Variants in LRFN2 observed in about 807,000 individuals in gnomAD.
The protein encoded by LRFN2 is leucine rich repeat and fibronectin type III domain containing 2, also known as leucine-rich repeat and fibronectin type-III domain-containing protein 2.
Under a neutral mutation model 37.3 loss-of-function variants are expected in LRFN2, and 18 were observed. The observed-to-expected ratio is 0.48, with a 90% CI of 0.33 to 0.72. The LOEUF (loss-of-function observed/expected upper bound fraction) is 0.72, where lower values mean the gene tolerates loss of function less well. Among genes scored for constraint, LRFN2 ranks in the 30% least tolerant of loss-of-function variants. The pLI is 0.02. For missense variants in LRFN2, 1,006 were observed against 1,060.7 expected, an observed-to-expected ratio of 0.95 and a Z score of 0.72; for synonymous variants, 556 against 466.6, an observed-to-expected ratio of 1.19 and a Z score of -2.47.
chr6:40,501,623 C>G (rs948731857), intron 1 of LRFN2: 1 of 152,108 alleles, frequency 6.6e-6, no homozygotes, highest in Non-Finnish European at 1.5e-5. Flanking sequence ...CATCCAGTCA[C>G]CACTGATTTT....
intron 1 of LRFN2, among the ~76,000 whole-genome samples, chr6:40,435,014 C>CATATATATATAT (rs368583078): frequency 5.8e-4 from 28 of 48,002 alleles, no homozygotes; most frequent in Non-Finnish European, 6.9e-4. Context: ...AATGGTTTTA[C>CATATATATATAT]ATATATATAT....
chr6:40,501,808 T>C (rs1234212901), intron 1 of LRFN2: 1 of 152,066 alleles, frequency 6.6e-6, no homozygotes, highest in East Asian at 1.9e-4. Context: ...CATGGCAAAG[T>C]GGGGTGCAAA....
intron 1 of LRFN2, among the ~76,000 whole-genome samples, chr6:40,550,845 T>C (rs550995329): frequency 2.6e-5 from 4 of 152,274 alleles, no homozygotes; most frequent in African/African-American, 7.2e-5. Context: ...CAGGGAGTTG[T>C]AGGCAGAAAC....
At chr6:40,508,633 G>A (rs927093784) in intron 1 of LRFN2, among the ~76,000 whole-genome samples, 2 of 152,116 alleles carry the variant, frequency 1.3e-5, no homozygotes, top group African/African-American at 4.8e-5. Flanking sequence ...TTTCCTTTCC[G>A]GAAAATGCAA....
At chr6:40,453,935 C>T (rs368235111) in intron 1 of LRFN2, among the ~76,000 whole-genome samples, 7 of 152,258 alleles carry the variant, frequency 4.6e-5, no homozygotes, top group African/African-American at 1.4e-4. Flanking sequence ...CCTGTCTCTC[C>T]CTGCTTCAGG....
chr6:40,566,349 A>G (rs1451442923), intron 1 of LRFN2, among the ~76,000 whole-genome samples: 1 of 152,228 alleles, frequency 6.6e-6, no homozygotes, highest in Non-Finnish European at 1.5e-5. Flanking sequence ...ATCTGGAACT[A>G]GAAATACCAT....
At chr6:40,425,651 G>A (rs1447059752) in intron 2 of LRFN2, among the ~76,000 whole-genome samples, 1 of 152,142 alleles carries the variant, frequency 6.6e-6, no homozygotes, top group Non-Finnish European at 1.5e-5. Context: ...TGGCATTGAG[G>A]GACATGATAG....
chr6:40,523,312 T>C (rs970413099), intron 1 of LRFN2, among the ~76,000 whole-genome samples: 1 of 152,068 alleles, frequency 6.6e-6, no homozygotes, highest in Non-Finnish European at 1.5e-5. Context: ...GGCCCCTTGA[T>C]GCATCGCCCA....
At chr6:40,542,985 C>T (rs143604906) in intron 1 of LRFN2, among the ~76,000 whole-genome samples, 61 of 152,358 alleles carry the variant, frequency 4.0e-4, no homozygotes, top group Non-Finnish European at 1.9e-4. Flanking sequence ...GGTCCTAATT[C>T]CCAGTCCCAC....
rs1417155607 is a variant in LRFN2 at position 40,399,300 on chromosome 6, C to G, written c.1401-6388G>C. Among the ~76,000 whole-genome samples, 2 of 151,604 alleles carry G rather than the reference C, an allele frequency of 1.3e-5. 1 individual carries two copies. The highest frequency in any genetic ancestry group is 2.9e-5 in the Non-Finnish European group (2 of 67,818). On this transcript the variant is annotated intron_variant, in intron 2 of 2. Coordinates refer to ENST00000338305, the MANE Select transcript of LRFN2 (RefSeq NM_020737.3). ...TCCCAGCTGTTGCTAATCTCTATAG[C>G]GCCTCACTGTCCTGCCCCCCACCCA...
intron 1 of LRFN2, among the ~76,000 whole-genome samples, chr6:40,554,256 A>G (rs35455156): frequency 0.47 from 72,158 of 152,066 alleles, 18,159 homozygotes; most frequent in African/African-American, 0.65. Context: ...CCAGGGTTTC[A>G]TTTATGAGAC....
intron 1 of LRFN2, among the ~76,000 whole-genome samples, chr6:40,488,801 A>G (rs886206316): frequency 1.1e-4 from 16 of 152,104 alleles, no homozygotes; most frequent in African/African-American, 2.4e-5. Flanking sequence ...TGCCTCCTTG[A>G]GGGCAGGTGC....
intron 1 of LRFN2, among the ~76,000 whole-genome samples, chr6:40,517,937 T>C (rs973098148): frequency 1.3e-5 from 2 of 152,104 alleles, no homozygotes; most frequent in Non-Finnish European, 2.9e-5. Flanking sequence ...ATCAGGCCTG[T>C]TTTCCTCCTG....
At chr6:40,490,129 C>T (rs1765054798) in intron 1 of LRFN2, among the ~76,000 whole-genome samples, 2 of 152,176 alleles carry the variant, frequency 1.3e-5, no homozygotes, top group South Asian at 2.1e-4. Context: ...GAAGTCAGAC[C>T]CCGTGGAAGC....
At chr6:40,457,108 C>A (rs1764250669) in intron 1 of LRFN2, among the ~76,000 whole-genome samples, 1 of 151,824 alleles carries the variant, frequency 6.6e-6, no homozygotes, top group Non-Finnish European at 1.5e-5. Flanking sequence ...TCAAAACATA[C>A]CTGTTCTAAT....
intron 2 of LRFN2, among the ~76,000 whole-genome samples, chr6:40,408,251 T>C (rs1332795098): frequency 2.0e-5 from 3 of 152,124 alleles, no homozygotes; most frequent in African/African-American, 7.2e-5. Flanking sequence ...CAATAAAAAA[T>C]GGCAAAAAAT....
chr6:40,443,867 G>A (rs1428723622), intron 1 of LRFN2, among the ~76,000 whole-genome samples: 1 of 152,174 alleles, frequency 6.6e-6, no homozygotes, highest in Admixed American at 6.5e-5. Context: ...AAAGGTAGAG[G>A]GCAGTTTCTA....
intron 1 of LRFN2, among the ~76,000 whole-genome samples, chr6:40,454,364 TG>T (rs544801655): frequency 9.9e-5 from 15 of 152,120 alleles, no homozygotes; most frequent in Non-Finnish European, 2.1e-4. Flanking sequence ...GATGGTGTCA[TG>T]GGTGGTAAAA....
chr6:40,516,773 A>T, intron 1 of LRFN2, among the ~76,000 whole-genome samples: 1 of 152,090 alleles, frequency 6.6e-6, no homozygotes, highest in East Asian at 1.9e-4. Flanking sequence ...GCAGCCAAGG[A>T]TGAGTGGGTC....
Sources: allele counts gnomAD v4.1 joint callset (sites outside exome capture counted in the v4.1 genomes callset), GRCh38; gene constraint gnomAD v4.1.1; transcripts MANE v1.5; gene names NCBI Gene and HGNC (gene_info 2026-07-23, HGNC 2026-07-21).